Variants in FKBP5 observed in about 807,000 individuals in gnomAD.
FKBP5 encodes the protein FKBP prolyl isomerase 5, also known as peptidyl-prolyl cis-trans isomerase FKBP5.
A neutral mutation model predicts 50.5 loss-of-function variants in FKBP5; 23 were observed. The observed-to-expected ratio is 0.46, with a 90% CI of 0.33 to 0.65. The LOEUF is 0.65. Ranked by LOEUF, FKBP5 falls within the 30% of genes least tolerant of loss-of-function variation. FKBP5 has a pLI of 0.02. For synonymous variants in FKBP5, 176 were observed against 190.6 expected (o/e 0.92, Z 0.63); for missense variants, 411 against 553.1 (o/e 0.74, Z 2.58).
chr6:35,711,492 C>G (rs182499884), intron 2 of FKBP5, among the ~76,000 whole-genome samples: 179 of 151,952 alleles, frequency 1.2e-3, no homozygotes, highest in African/African-American at 4.1e-3. Context: ...GTGGCGGGTG[C>G]CTGTAATCCC....
At chr6:35,696,330 G>A (rs987667106) in intron 2 of FKBP5, among the ~76,000 whole-genome samples, 30 of 150,858 alleles carry the variant, frequency 2.0e-4, no homozygotes, top group South Asian at 4.2e-4. Flanking sequence ...GACCAACCTG[G>A]ACAACATGGC....
rs1309665817 is a variant in FKBP5 at position 35,575,109 on chromosome 6, C to A, written c.*726G>T. The A allele has an allele frequency of 6.6e-6, 1 of 152,180 alleles. No homozygotes were observed. Among genetic ancestry groups the A allele is most frequent in the African/African-American group, 2.4e-5 (1 of 41,430 alleles). The allele number at this position is 152,180 out of a possible 1,614,324, so 9.4% of individuals were successfully genotyped here. A position where few individuals can be genotyped will look rare whatever the true frequency, so the allele number is the denominator to read the frequency against. ...GCTAATCCAGAAACTCTCATCTGCT[C>A]ATTATCATTGCTGAAGGGTGTTTTA... On this transcript the variant is annotated 3_prime_UTR_variant, in exon 11 of 11. Coordinates refer to ENST00000357266, the MANE Select transcript of FKBP5 (RefSeq NM_004117.4).
At chr6:35,602,120 G>T (rs753251075) in intron 5 of FKBP5, among the ~76,000 whole-genome samples, 4 of 152,028 alleles carry the variant, frequency 2.6e-5, no homozygotes, top group Non-Finnish European at 4.4e-5. Context: ...ACATGAACTC[G>T]ATGTGCTGAC....
chr6:35,581,293 TATATATACA>T, intron 8 of FKBP5: 53 of 447,106 alleles, frequency 1.2e-4, no homozygotes, highest in Non-Finnish European at 1.5e-4. Flanking sequence ...ATAATATATA[TATATATACA>T]TGCTCATATG....
At position 35,580,114 on chromosome 6, in the gene FKBP5, G is replaced by A; in HGVS notation, c.948C>T (p.Leu316=). The change falls in exon 9 of 11, where the codon CTC becomes CTT. Residue 316 remains leucine (L), a synonymous_variant. Coordinates refer to ENST00000357266, the MANE Select transcript of FKBP5 (RefSeq NM_004117.4). Reference sequence around the variant, plus strand: ...TGGCCAGGTTCAGAAAGGCAGCAAGGAGAAATGATTCAGAAGCTTTCGATT... The same window carrying A: ...TGGCCAGGTTCAGAAAGGCAGCAAGAAGAAATGATTCAGAAGCTTTCGATT... ...EKESKASESF[L]LAAFLNLAMC... is the part of the protein sequence containing the mutation. The A allele has an allele frequency of 6.2e-7, 1 of 1,614,106 alleles. No individual in the cohort carries two copies. Among genetic ancestry groups the A allele is most frequent in the Non-Finnish European group, 8.5e-7 (1 of 1,179,968 alleles).
intron 1 of FKBP5, among the ~76,000 whole-genome samples, chr6:35,648,910 T>C (rs1450046214): frequency 6.6e-6 from 1 of 151,674 alleles, no homozygotes; most frequent in South Asian, 2.1e-4. Context: ...GATTGTGCCA[T>C]TGCACTCCAG....
Position 35,606,883 on chromosome 6 carries a change from C to T in FKBP5, c.509-9479G>A, listed in dbSNP as rs144360091. ...GGTATACAACCAAAGGAAAATAAAT[C>T]GTTCTATCAGAAAGATAGCTGGCAT... On this transcript the variant is annotated intron_variant, in intron 5 of 10. Transcript: ENST00000357266. Among the ~76,000 whole-genome samples, 1,064 of 152,146 alleles carry T rather than the reference C, an allele frequency of 7.0e-3. 8 individuals carry two copies. Among genetic ancestry groups the T allele is most frequent in the Non-Finnish European group, 8.4e-3 (568 of 67,992 alleles).
At chr6:35,642,944 G>C in intron 1 of FKBP5, 101 bp from the exon 2 acceptor site, 1 of 774,424 alleles carries the variant, frequency 1.3e-6, no homozygotes, top group Non-Finnish European at 2.1e-6. Flanking sequence ...GATTTACTTA[G>C]GGCCAATAAG....
intron 8 of FKBP5, chr6:35,584,250 T>A: frequency 1.0e-6 from 1 of 985,450 alleles, no homozygotes. Context: ...TTCTCTTTAG[T>A]ATTCAGAGGT....
At chr6:35,683,632 ATTTTTTTTTTTT>A (rs777451189) in intron 1 of FKBP5, among the ~76,000 whole-genome samples, 1 of 109,366 alleles carries the variant, frequency 9.1e-6, no homozygotes, top group African/African-American at 3.3e-5. Flanking sequence ...TGACTGGCTA[ATTTTTTTTTTTT>A]TTTTTTTTTT....
At chr6:35,624,145 G>A (rs1763926145) in intron 3 of FKBP5, among the ~76,000 whole-genome samples, 1 of 152,136 alleles carries the variant, frequency 6.6e-6, no homozygotes. Context: ...ACAAGAGTTT[G>A]AGAAAGAAAA....
At chr6:35,644,236 T>A (rs748591911) in intron 1 of FKBP5, among the ~76,000 whole-genome samples, 1 of 152,222 alleles carries the variant, frequency 6.6e-6, no homozygotes, top group Non-Finnish European at 1.5e-5. Flanking sequence ...ACTGCCATGA[T>A]GAATTCCACA....
At chr6:35,707,299 C>A (rs959066116) in intron 2 of FKBP5, among the ~76,000 whole-genome samples, 1 of 146,222 alleles carries the variant, frequency 6.8e-6, no homozygotes, top group Non-Finnish European at 1.5e-5. Flanking sequence ...TCACCACAAC[C>A]TCTGCCTCCC....
At chr6:35,626,259 C>G in intron 3 of FKBP5, among the ~76,000 whole-genome samples, 1 of 152,072 alleles carries the variant, frequency 6.6e-6, no homozygotes, top group Admixed American at 6.5e-5. Flanking sequence ...TAACTATAGG[C>G]AGGTGAAAAA....
chr6:35,597,942 C>A (rs546251983), intron 5 of FKBP5, among the ~76,000 whole-genome samples: 106 of 152,236 alleles, frequency 7.0e-4, no homozygotes, highest in Middle Eastern at 3.4e-3. Context: ...AATGGTAAAT[C>A]CAAAGACAAC....
At position 35,614,814 on chromosome 6, in the gene FKBP5, C is replaced by T. The variant is rs557056509; in HGVS notation, c.508+4282G>A. On this transcript the variant is annotated intron_variant, in intron 5 of 10. Coordinates refer to ENST00000357266, the MANE Select transcript of FKBP5 (RefSeq NM_004117.4). ...TGGAACTGCAACTGCCAGTGAGTAT[C>T]CCTGGTTTTTAACATATACATACAG... Among the ~76,000 whole-genome samples, 16 of 152,126 alleles carry T rather than the reference C, an allele frequency of 1.1e-4. No homozygotes were observed. In the South Asian group the frequency reaches 1.5e-3, roughly 14 times the overall value.
intron 6 of FKBP5, among the ~76,000 whole-genome samples, chr6:35,595,943 A>G (rs186955791): frequency 7.9e-5 from 12 of 152,282 alleles, no homozygotes; most frequent in African/African-American, 2.6e-4. Flanking sequence ...AAGAGGAACC[A>G]GGTAGAGAAA....
chr6:35,705,038 G>A (rs2151019832), intron 2 of FKBP5, among the ~76,000 whole-genome samples: 2 of 150,862 alleles, frequency 1.3e-5, no homozygotes, highest in South Asian at 2.1e-4. Context: ...CTACTCAGGA[G>A]GCTGAGGCAA....
intron 5 of FKBP5, among the ~76,000 whole-genome samples, chr6:35,599,816 T>C (rs576384719): frequency 5.9e-5 from 9 of 152,322 alleles, no homozygotes; most frequent in African/African-American, 2.2e-4. Context: ...TTGTAGCAAA[T>C]TGAAAGTTCA....
Sources: allele counts gnomAD v4.1 joint callset (sites outside exome capture counted in the v4.1 genomes callset), GRCh38; gene constraint gnomAD v4.1.1; transcripts MANE v1.5; gene names NCBI Gene and HGNC (gene_info 2026-07-23, HGNC 2026-07-21).